Variants in KCNH5 observed in about 807,000 individuals in gnomAD.
KCNH5 encodes the protein voltage-gated delayed rectifier potassium channel KCNH5.
Under a neutral mutation model 96.1 loss-of-function variants are expected in KCNH5, and 46 were observed. The observed-to-expected ratio is 0.48, with a 90% CI of 0.38 to 0.61. The LOEUF (loss-of-function observed/expected upper bound fraction) is 0.61. Among genes scored for constraint, KCNH5 ranks in the 20% least tolerant of loss-of-function variants. KCNH5 has a pLI of 0.00. For synonymous variants in KCNH5, 439 were observed against 449.8 expected, an observed-to-expected ratio of 0.98 and a Z score of 0.30; for missense variants, 907 against 1,225.8, an observed-to-expected ratio of 0.74 and a Z score of 3.88.
At chr14:62,926,879 G>A (rs946395766) in intron 7 of KCNH5, among the ~76,000 whole-genome samples, 1 of 152,118 alleles carries the variant, frequency 6.6e-6, no homozygotes, top group Non-Finnish European at 1.5e-5. Flanking sequence ...TTATGGGTCA[G>A]TGTTGATGAA....
Position 62,936,505 on chromosome 14 carries a change from C to A in KCNH5, c.1369+13628G>T, listed in dbSNP as rs189871860. 1.5e-4 allele frequency among the ~76,000 whole-genome samples: 22 copies of A among 151,016 alleles called. No homozygotes were observed. The East Asian group carries it at 4.1e-3, about 28-fold the overall frequency. On this transcript the variant is annotated intron_variant, in intron 7 of 10. Coordinates refer to ENST00000322893, the MANE Select transcript of KCNH5 (RefSeq NM_139318.5). The stretch of plus-strand genomic sequence containing the variant: ...GCCTAGGCAACATGGTGAACCCTGT[C>A]TTTACCAAAAAATACAAAAATCAGC...
At position 62,980,921 on chromosome 14, in the gene KCNH5, A is replaced by T; in HGVS notation, c.893T>A (p.Leu298Gln). Reference protein sequence around the residue: ...YLKTWFVIDLLSCLPYDIINA... With the variant: ...YLKTWFVIDLQSCLPYDIINA... ...GATGATGTCATAAGGTAAACAAGAC[A>T]GCAGATCGATCACAAACCAAGTTTT... The change falls in exon 6 of 11, where the codon CTG becomes CAG. Residue 298 changes from leucine to glutamine, a missense_variant. Around this residue, in one of 6 missense-constraint regions of KCNH5, gnomAD observed 370 missense variants for 561.3 expected, o/e 0.66. Coordinates refer to ENST00000322893, the MANE Select transcript of KCNH5 (RefSeq NM_139318.5). The T allele has an allele frequency of 6.2e-7, 1 of 1,614,170 alleles. No homozygotes were observed. The highest frequency in any genetic ancestry group is 2.2e-5 in the East Asian group (1 of 44,872).
intron 9 of KCNH5, among the ~76,000 whole-genome samples, chr14:62,799,039 T>C (rs1205005622): frequency 1.3e-5 from 2 of 152,178 alleles, no homozygotes; most frequent in Non-Finnish European, 2.9e-5. Context: ...TGTTCCTCTC[T>C]GACCCTTGCA....
intron 6 of KCNH5, among the ~76,000 whole-genome samples, chr14:62,977,421 G>A (rs1181903694): frequency 6.6e-6 from 1 of 151,918 alleles, no homozygotes; most frequent in African/African-American, 2.4e-5. Flanking sequence ...GAATCAAAAG[G>A]ATGATATATT....
chr14:63,022,438 C>T (rs535491661), intron 1 of KCNH5, among the ~76,000 whole-genome samples: 8 of 151,412 alleles, frequency 5.3e-5, no homozygotes, highest in Admixed American at 6.6e-5. Flanking sequence ...TGAAGCCAAA[C>T]GAGTTTTTTG....
chr14:62,808,376 T>C (rs1052604999), intron 8 of KCNH5, among the ~76,000 whole-genome samples: 1 of 152,130 alleles, frequency 6.6e-6, no homozygotes, highest in Non-Finnish European at 1.5e-5. Context: ...AGTTTTTCTG[T>C]AAATTAAACA....
chr14:62,849,208 G>A (rs28700918), intron 8 of KCNH5, among the ~76,000 whole-genome samples: 28,982 of 152,044 alleles, frequency 0.19, 3,074 homozygotes, highest in East Asian at 0.29. Context: ...GAGAAATTTA[G>A]GTGGAGGACA....
At chr14:62,761,503 G>T (rs1315564421) in intron 10 of KCNH5, among the ~76,000 whole-genome samples, 4 of 152,042 alleles carry the variant, frequency 2.6e-5, no homozygotes, top group Non-Finnish European at 5.9e-5. Flanking sequence ...TGAGACAATA[G>T]ATTCAATTCA....
intron 4 of KCNH5, among the ~76,000 whole-genome samples, chr14:63,000,639 A>G (rs1249567860): frequency 6.6e-6 from 1 of 152,246 alleles, no homozygotes; most frequent in Non-Finnish European, 1.5e-5. Flanking sequence ...AACTATTACA[A>G]TTGTAATTCA....
At chr14:62,999,842 A>G (rs1231984990) in intron 4 of KCNH5, among the ~76,000 whole-genome samples, 2 of 151,300 alleles carry the variant, frequency 1.3e-5, no homozygotes, top group African/African-American at 4.9e-5. Context: ...GTGCACATGT[A>G]CCCTAAAACT....
intron 9 of KCNH5, among the ~76,000 whole-genome samples, chr14:62,789,678 TA>T (rs1433898193): frequency 6.6e-6 from 1 of 151,980 alleles, no homozygotes; most frequent in East Asian, 1.9e-4. Flanking sequence ...CCCTGATGAT[TA>T]GTGATTTGAG....
chr14:62,866,580 T>A (rs1488684310), intron 7 of KCNH5, among the ~76,000 whole-genome samples: 2 of 152,178 alleles, frequency 1.3e-5, no homozygotes, highest in Non-Finnish European at 2.9e-5. Flanking sequence ...TCTTCAGGGC[T>A]CCTGTCAGGT....
intron 7 of KCNH5, among the ~76,000 whole-genome samples, chr14:62,868,628 C>T (rs771437285): frequency 3.9e-5 from 6 of 152,122 alleles, no homozygotes; most frequent in Middle Eastern, 6.8e-3. Flanking sequence ...CAGGTATACA[C>T]GTGCCATAGT....
intron 10 of KCNH5, among the ~76,000 whole-genome samples, chr14:62,750,808 G>A (rs1885481678): frequency 6.6e-6 from 1 of 152,140 alleles, no homozygotes; most frequent in Non-Finnish European, 1.5e-5. Flanking sequence ...TATTAATTCT[G>A]CCTTTTGAGC....
intron 8 of KCNH5, among the ~76,000 whole-genome samples, chr14:62,816,839 T>G (rs1049306417): frequency 6.6e-6 from 1 of 151,586 alleles, no homozygotes; most frequent in Non-Finnish European, 1.5e-5. Context: ...CTCTTTTTCA[T>G]TCTTTTTTCT....
chr14:62,981,782 G>A (rs972484186), intron 5 of KCNH5, among the ~76,000 whole-genome samples: 1 of 152,164 alleles, frequency 6.6e-6, no homozygotes, highest in East Asian at 1.9e-4. Context: ...AAAGGGTATC[G>A]CCTGCTTTTT....
intron 7 of KCNH5, among the ~76,000 whole-genome samples, chr14:62,873,481 T>C (rs1188029105): frequency 2.0e-5 from 3 of 152,190 alleles, no homozygotes; most frequent in African/African-American, 7.2e-5. Flanking sequence ...GATTCAAGCA[T>C]GTGTCAATAT....
chr14:62,759,289 C>G (rs35729368), intron 10 of KCNH5, among the ~76,000 whole-genome samples: 1 of 152,080 alleles, frequency 6.6e-6, no homozygotes, highest in Non-Finnish European at 1.5e-5. Flanking sequence ...GTCCCACTGT[C>G]TGAAATCCAG....
At chr14:62,737,747 C>G (rs756115742) in intron 10 of KCNH5, among the ~76,000 whole-genome samples, 7 of 151,988 alleles carry the variant, frequency 4.6e-5, no homozygotes, top group Non-Finnish European at 7.4e-5. Flanking sequence ...AAAAGAAATC[C>G]CAGTCGAGTA....
Sources: gnomAD v4.1 joint callset for allele counts (sites outside exome capture counted in the v4.1 genomes callset) on GRCh38, gnomAD v4.1.1 for gene constraint, gnomAD v4.1.1 regional missense constraint, MANE v1.5 for transcripts, NCBI Gene and HGNC (gene_info 2026-07-23, HGNC 2026-07-21) for gene names.